RANBP2: variants seen among roughly 807,000 people sequenced by gnomAD.
The protein encoded by RANBP2 is E3 SUMO-protein ligase RanBP2.
RANBP2 carries 57 observed loss-of-function variants against 303.6 expected under a neutral mutation model. The observed-to-expected ratio is 0.19, with a 90% CI of 0.15 to 0.23. RANBP2 has a LOEUF of 0.23. RANBP2 is among the 10% of genes least tolerant of loss of function. The pLI is 1.00. For missense variants in RANBP2, 3,138 were observed against 3,780.8 expected (o/e 0.83, Z 4.46); for synonymous variants, 1,167 against 1,301.5 (o/e 0.90, Z 2.23).
At chr2:108,948,894 G>T in the RANBP2 span, among the ~76,000 whole-genome samples, 1 of 152,190 alleles carries the variant, frequency 6.6e-6, no homozygotes, top group Non-Finnish European at 1.5e-5. Flanking sequence ...GAGGCAGGAT[G>T]ATCACTTGAG....
chr2:109,037,233 A>AG, the RANBP2 span, among the ~76,000 whole-genome samples: 21 of 149,354 alleles, frequency 1.4e-4, no homozygotes, highest in Admixed American at 1.4e-3. Context: ...CTGAGGCAGG[A>AG]GGATCACCTG....
chr2:109,490,040 G>C, the RANBP2 span, among the ~76,000 whole-genome samples: 1 of 152,130 alleles, frequency 6.6e-6, no homozygotes, highest in African/African-American at 2.4e-5. Flanking sequence ...GCCCAGCCTG[G>C]ATGAGCTCTT....
At chr2:109,132,130 G>A in the RANBP2 span, among the ~76,000 whole-genome samples, 1 of 152,172 alleles carries the variant, frequency 6.6e-6, no homozygotes, top group Non-Finnish European at 1.5e-5. Context: ...GTTGCATGTT[G>A]TTTAATAGAG....
chr2:109,359,050 G>T, the RANBP2 span, among the ~76,000 whole-genome samples: 1 of 152,018 alleles, frequency 6.6e-6, no homozygotes, highest in African/African-American at 2.4e-5. Flanking sequence ...TTTCTCCATT[G>T]TATTGTCTTT....
chr2:109,389,636 C>G, the RANBP2 span, among the ~76,000 whole-genome samples: 5 of 152,184 alleles, frequency 3.3e-5, no homozygotes, highest in Admixed American at 2.0e-4. Flanking sequence ...AAATTCTACT[C>G]AAACTTACTG....
chr2:109,689,635 T>C, the RANBP2 span, among the ~76,000 whole-genome samples: 1 of 152,086 alleles, frequency 6.6e-6, no homozygotes, highest in Non-Finnish European at 1.5e-5. Flanking sequence ...TCAACTGAGA[T>C]TTTTTTCCCG....
the RANBP2 span, among the ~76,000 whole-genome samples, chr2:109,218,289 T>A: frequency 6.6e-6 from 1 of 152,232 alleles, no homozygotes; most frequent in Non-Finnish European, 1.5e-5. Flanking sequence ...TTGGCTCTCT[T>A]GCCCCCGTTT....
At chr2:109,255,787 A>C in the RANBP2 span, among the ~76,000 whole-genome samples, 1 of 152,228 alleles carries the variant, frequency 6.6e-6, no homozygotes, top group Non-Finnish European at 1.5e-5. Context: ...TAATGAAGAC[A>C]AGGAAATGAA....
At chr2:109,418,197 G>A in the RANBP2 span, among the ~76,000 whole-genome samples, 3 of 152,134 alleles carry the variant, frequency 2.0e-5, no homozygotes, top group East Asian at 1.9e-4. Flanking sequence ...TCTGCCCCTC[G>A]TCAGGCCTAC....
At chr2:109,055,907 C>T in the RANBP2 span, among the ~76,000 whole-genome samples, 1 of 150,270 alleles carries the variant, frequency 6.7e-6, no homozygotes, top group African/African-American at 2.5e-5. Context: ...TTACAGGTAC[C>T]CCCCAGCACG....
the RANBP2 span, among the ~76,000 whole-genome samples, chr2:109,081,811 T>C: frequency 1.2e-4 from 19 of 152,308 alleles, no homozygotes; most frequent in Middle Eastern, 3.4e-3. Flanking sequence ...AGCAGTGACA[T>C]GGCTTGCAGA....
the RANBP2 span, among the ~76,000 whole-genome samples, chr2:109,637,108 T>A: frequency 6.6e-6 from 1 of 152,126 alleles, no homozygotes; most frequent in Admixed American, 6.6e-5. Flanking sequence ...ATGTGAGCAA[T>A]AGAATCTATG....
At chr2:109,178,684 T>C in the RANBP2 span, among the ~76,000 whole-genome samples, 1 of 152,220 alleles carries the variant, frequency 6.6e-6, no homozygotes, top group Non-Finnish European at 1.5e-5. Context: ...AGGAATTCAC[T>C]TTGTCAAAGT....
At chr2:108,993,513 T>G in the RANBP2 span, among the ~76,000 whole-genome samples, 1 of 152,114 alleles carries the variant, frequency 6.6e-6, no homozygotes, top group Non-Finnish European at 1.5e-5. Flanking sequence ...AGGGAGAGAC[T>G]AAGTCTGGGG....
At chr2:108,886,247 C>T in the RANBP2 span, among the ~76,000 whole-genome samples, 1 of 152,164 alleles carries the variant, frequency 6.6e-6, no homozygotes, top group East Asian at 1.9e-4. Context: ...TTATCTACAT[C>T]CTTGCCAACA....
At chr2:109,321,150 G>A in the RANBP2 span, among the ~76,000 whole-genome samples, 1 of 152,238 alleles carries the variant, frequency 6.6e-6, no homozygotes, top group Admixed American at 6.5e-5. Context: ...CCATGTGCAT[G>A]GATGCACCTC....
At chr2:109,439,915 G>A in the RANBP2 span, among the ~76,000 whole-genome samples, 1 of 152,186 alleles carries the variant, frequency 6.6e-6, no homozygotes, top group Non-Finnish European at 1.5e-5. Flanking sequence ...GAGTGTGGAG[G>A]AGGGAATTCA....
the RANBP2 span, among the ~76,000 whole-genome samples, chr2:109,404,598 C>G: frequency 2.2e-4 from 34 of 152,246 alleles, no homozygotes; most frequent in African/African-American, 7.9e-4. Context: ...CAGAGGCTGC[C>G]ACGGGCACAC....
At chr2:109,120,997 A>G in the RANBP2 span, among the ~76,000 whole-genome samples, 1 of 152,210 alleles carries the variant, frequency 6.6e-6, no homozygotes, top group Non-Finnish European at 1.5e-5. Context: ...CTGTAATCCT[A>G]GCACTTTGGG....
Sources: gnomAD v4.1 joint callset for allele counts (sites outside exome capture counted in the v4.1 genomes callset) on GRCh38, gnomAD v4.1.1 for gene constraint, MANE v1.5 for transcripts, NCBI Gene and HGNC (gene_info 2026-07-23, HGNC 2026-07-21) for gene names.